The following HIKESHI variants were observed in gnomAD, a reference collection of about 807,000 sequenced individuals.
HIKESHI encodes protein Hikeshi.
A neutral mutation model predicts 25.7 loss-of-function variants in HIKESHI; 13 were observed. The observed-to-expected ratio is 0.51, with a 90% CI of 0.33 to 0.80. The LOEUF is 0.80. HIKESHI is among the 30% of genes least tolerant of loss of function. The pLI is 0.02. For missense variants in HIKESHI, 174 were observed against 229.5 expected (o/e 0.76, Z 1.56); for synonymous variants, 76 against 78.7 (o/e 0.97, Z 0.18).
Position 86,312,129 on chromosome 11 carries a change from C to G in HIKESHI, c.268+5647C>G, listed in dbSNP as rs538361362. ...CTGGATATCCTTGTTAACTTTCTGT[C>G]TCGTTGATCTGTCTAATGTTGACAG... is the stretch of plus-strand genomic sequence containing the variant. On this transcript the variant is annotated intron_variant, in intron 2 of 4. Transcript: ENST00000278483. 5.9e-5 allele frequency among the ~76,000 whole-genome samples: 9 copies of G among 152,220 alleles called. No individual in the cohort carries two copies. The East Asian group carries it at 1.4e-3, about 23-fold the overall frequency.
chr11:86,321,787 C>T (rs1187705156), intron 2 of HIKESHI, among the ~76,000 whole-genome samples: 1 of 152,278 alleles, frequency 6.6e-6, no homozygotes, highest in Non-Finnish European at 1.5e-5. Context: ...GCCTCAGCCT[C>T]CCAAAGTGTT....
Position 86,337,376 on chromosome 11 carries a change from C to T in HIKESHI, c.269-3C>T, listed in dbSNP as rs750117019. 2 of 1,609,378 alleles carry T rather than the reference C, an allele frequency of 1.2e-6. No homozygotes were observed. The highest frequency in any genetic ancestry group is 3.4e-5 in the Admixed American group (2 of 59,038). On this transcript the variant is annotated splice_region_variant and splice_polypyrimidine_tract_variant and intron_variant, in intron 2 of 4. Transcript: ENST00000278483. ...ATGTGTGTCATATGTTAATTTCTTG[C>T]AGGAGAAGGAAGCCAACATCCTTTT...
intron 2 of HIKESHI, among the ~76,000 whole-genome samples, chr11:86,334,074 T>C (rs896308529): frequency 1.3e-5 from 2 of 152,206 alleles, no homozygotes; most frequent in African/African-American, 2.4e-5. Flanking sequence ...TGATGGTTGA[T>C]GGGCAGTTGT....
In HIKESHI at chr11:86,302,244, C is replaced by G. The variant is rs986375950; in HGVS notation, c.-205C>G. On this transcript the variant is annotated 5_prime_UTR_variant, in exon 1 of 5. Transcript: ENST00000278483. Reference sequence around the variant, plus strand: ...GTGTAAGCCCCGGAAGTACTTGTTGCCTGAGCAGTGGGCTGCTTAGGAAGA... The same window carrying G: ...GTGTAAGCCCCGGAAGTACTTGTTGGCTGAGCAGTGGGCTGCTTAGGAAGA... 1 of 600,258 alleles carries G rather than the reference C, an allele frequency of 1.7e-6. No homozygotes were observed. The highest frequency in any genetic ancestry group is 3.0e-6 in the Non-Finnish European group (1 of 333,072). The allele number at this position is 600,258 out of a possible 1,614,324, so 37.2% of individuals were successfully genotyped here.
rs180852595 is a variant in HIKESHI at position 86,341,626 on chromosome 11, A to G, written c.421-2977A>G. On this transcript the variant is annotated intron_variant, in intron 3 of 4. Coordinates refer to ENST00000278483, the MANE Select transcript of HIKESHI (RefSeq NM_016401.4). Reference sequence around the variant, plus strand: ...TAGCTGGTAGCTGGGACTACAGGCAAGCATCACCAAACCCACCTAACTTTT... The same window carrying G: ...TAGCTGGTAGCTGGGACTACAGGCAGGCATCACCAAACCCACCTAACTTTT... Among the ~76,000 whole-genome samples, 94 of 152,034 alleles carry G rather than the reference A, an allele frequency of 6.2e-4. 1 individual carries two copies. The highest frequency in any genetic ancestry group is 3.4e-3 in the Middle Eastern group (1 of 294).
At chr11:86,306,570 GATT>G (rs1311185157) in intron 2 of HIKESHI, 88 bp downstream of exon 2, 2 of 759,694 alleles carry the variant, frequency 2.6e-6, no homozygotes, top group Non-Finnish European at 4.1e-6. Flanking sequence ...TCCCCCTTTA[GATT>G]GTGTTTTTCT....
intron 2 of HIKESHI, among the ~76,000 whole-genome samples, chr11:86,315,961 C>A (rs1215685243): frequency 6.6e-6 from 1 of 151,754 alleles, no homozygotes; most frequent in East Asian, 1.9e-4. Flanking sequence ...ATTGATTCTC[C>A]TTACAAGTAA....
intron 1 of HIKESHI, among the ~76,000 whole-genome samples, chr11:86,304,861 A>T (rs1414285240): frequency 6.6e-6 from 1 of 151,896 alleles, no homozygotes; most frequent in African/African-American, 2.4e-5. Context: ...ATGTCCATGA[A>T]TGACTGCAGA....
intron 2 of HIKESHI, among the ~76,000 whole-genome samples, chr11:86,319,240 ATAT>A (rs1421610769): frequency 3.3e-4 from 31 of 92,972 alleles, no homozygotes; most frequent in African/African-American, 1.4e-3. Flanking sequence ...ATATATATAT[ATAT>A]TTTTTTTTTT....
rs570753137 is a variant in HIKESHI, at chr11:86,313,899, G to A, written c.268+7417G>A. Among the ~76,000 whole-genome samples the A allele has an allele frequency of 6.6e-5, 10 of 152,266 alleles. No individual in the cohort carries two copies. The East Asian group carries it at 1.9e-3, about 29-fold the overall frequency. ...TATTGGGCATTCTTTTCTAGGTGGA[G>A]GTAATAGAGGCATAAGGTGAAAGTT... On this transcript the variant is annotated intron_variant, in intron 2 of 4. Transcript: ENST00000278483.
At chr11:86,309,060 T>G (rs1946763017) in intron 2 of HIKESHI, among the ~76,000 whole-genome samples, 1 of 152,186 alleles carries the variant, frequency 6.6e-6, no homozygotes, top group South Asian at 2.1e-4. Context: ...AGCAGCATGA[T>G]TTATAATCCT....
At chr11:86,306,991 C>G (rs1946643014) in intron 2 of HIKESHI, among the ~76,000 whole-genome samples, 1 of 143,426 alleles carries the variant, frequency 7.0e-6, no homozygotes, top group Admixed American at 7.1e-5. Flanking sequence ...CAGAGCGAGA[C>G]TCTGTCTCAA....
intron 2 of HIKESHI, chr11:86,323,962 A>G (rs1197007144): frequency 2.0e-5 from 3 of 151,934 alleles, no homozygotes; most frequent in Non-Finnish European, 4.4e-5. Flanking sequence ...TAGTTCTTTT[A>G]TTGTCTGCTT....
intron 2 of HIKESHI, among the ~76,000 whole-genome samples, chr11:86,312,748 G>A (rs941261334): frequency 2.0e-5 from 3 of 152,144 alleles, no homozygotes; most frequent in Non-Finnish European, 4.4e-5. Context: ...TATAAGGCAG[G>A]CCTGGTGGTG....
intron 2 of HIKESHI, chr11:86,326,481 A>T: frequency 6.6e-6 from 3 of 455,728 alleles, no homozygotes; most frequent in South Asian, 4.7e-5. Flanking sequence ...CTGTTTATGT[A>T]GTGAAGACTT....
At chr11:86,336,884 C>T (rs1947576962) in intron 2 of HIKESHI, among the ~76,000 whole-genome samples, 1 of 151,462 alleles carries the variant, frequency 6.6e-6, no homozygotes, top group African/African-American at 2.4e-5. Flanking sequence ...GATTTCTCAT[C>T]AGAGACCCCA....
intron 4 of HIKESHI, chr11:86,345,018 T>C (rs1439478308): frequency 4.7e-6 from 3 of 632,566 alleles, no homozygotes; most frequent in African/African-American, 1.9e-5. Context: ...AAGTACCATC[T>C]ATGAGAGTAG....
intron 2 of HIKESHI, among the ~76,000 whole-genome samples, chr11:86,321,264 C>A (rs1189485325): frequency 6.6e-6 from 1 of 151,950 alleles, no homozygotes; most frequent in African/African-American, 2.4e-5. Context: ...GTGTTCATTC[C>A]TTTTTATTGC....
chr11:86,312,660 T>C (rs1337918004), intron 2 of HIKESHI, among the ~76,000 whole-genome samples: 1 of 152,210 alleles, frequency 6.6e-6, no homozygotes, highest in Non-Finnish European at 1.5e-5. Flanking sequence ...GCATTAATGG[T>C]CTTTACAATT....
Sources: gnomAD v4.1 joint callset for allele counts (sites outside exome capture counted in the v4.1 genomes callset) on GRCh38, gnomAD v4.1.1 for gene constraint, MANE v1.5 for transcripts, NCBI Gene and HGNC (gene_info 2026-07-23, HGNC 2026-07-21) for gene names.